Variants in PRKN observed in about 807,000 individuals in gnomAD.
PRKN encodes parkin RBR E3 ubiquitin protein ligase, also known as E3 ubiquitin-protein ligase parkin.
Under a neutral mutation model 59.5 loss-of-function variants are expected in PRKN, and 56 were observed. The ratio of observed to expected loss-of-function variants is 0.94; its 90% CI spans 0.76 to 1.18. The LOEUF (loss-of-function observed/expected upper bound fraction) is 1.18, where lower values mean the gene tolerates loss of function less well. PRKN is among the 50% of genes most tolerant of loss of function. The pLI is 0.00. For missense variants in PRKN, 657 were observed against 596.4 expected, an observed-to-expected ratio of 1.10 and a Z score of -1.06; for synonymous variants, 250 against 222.1, an observed-to-expected ratio of 1.13 and a Z score of -1.12.
intron 2 of PRKN, among the ~76,000 whole-genome samples, chr6:162,335,015 TTTTG>T (rs1783770694): frequency 1.3e-5 from 2 of 152,038 alleles, no homozygotes; most frequent in African/African-American, 2.4e-5. Flanking sequence ...TTATGGATGA[TTTTG>T]TTTTTGTTTT....
rs149792393 is a variant in PRKN, at chr6:161,593,423, A to C, written c.872-24007T>G. Among the ~76,000 whole-genome samples the C allele has an allele frequency of 1.8e-4, 28 of 152,282 alleles. No individual in the cohort carries two copies. Among genetic ancestry groups the C allele is most frequent in the African/African-American group, 1.4e-4 (6 of 41,566 alleles). ...GCTGGTTTCAAGCTAATATTGGCCA[A>C]TCCCCAACCCTGAACTCTGGAATAG... is the stretch of plus-strand genomic sequence containing the variant. On this transcript the variant is annotated intron_variant, in intron 7 of 11. Coordinates refer to ENST00000366898, the MANE Select transcript of PRKN (RefSeq NM_004562.3). The surrounding 1 kb of genome is among the most constrained non-coding windows in gnomAD (Gnocchi z 4.8).
chr6:162,105,344 A>T (rs1583039119), intron 4 of PRKN, among the ~76,000 whole-genome samples: 1 of 152,204 alleles, frequency 6.6e-6, no homozygotes, highest in Non-Finnish European at 1.5e-5. Context: ...TGGAACTAAC[A>T]AATAATGCCT....
intron 5 of PRKN, among the ~76,000 whole-genome samples, chr6:162,052,398 A>G (rs1777680730): frequency 6.6e-6 from 1 of 151,954 alleles, no homozygotes; most frequent in Admixed American, 6.6e-5. Context: ...CTTATACTCT[A>G]TCCTTGATGA....
chr6:161,843,879 C>T (rs1251387373), intron 6 of PRKN, among the ~76,000 whole-genome samples: 4 of 152,082 alleles, frequency 2.6e-5, no homozygotes, highest in Non-Finnish European at 5.9e-5. Flanking sequence ...CAGTTTGCAT[C>T]GAGGGTGAAT....
intron 9 of PRKN, among the ~76,000 whole-genome samples, chr6:161,439,424 A>AAATGCAAATAAGTACG (rs1789084684): frequency 1.3e-5 from 2 of 152,362 alleles, no homozygotes; most frequent in South Asian, 4.1e-4. Context: ...GGAGATGTAG[A>AAATGCAAATAAGTACG]AATGCAAATA....
In PRKN at chr6:161,706,018, A is replaced by G. The variant is rs140379756; in HGVS notation, c.871+79754T>C. Among the ~76,000 whole-genome samples, 20 of 151,900 alleles carry G rather than the reference A, an allele frequency of 1.3e-4. No individual in the cohort carries two copies. The East Asian group carries it at 3.7e-3, about 28-fold the overall frequency. ...AATCAGTCCTTCTAGCCTTGCTTCC[A>G]GTAGCCCCACTCTTTCCCCTGCATA... is the stretch of plus-strand genomic sequence containing the variant. On this transcript the variant is annotated intron_variant, in intron 7 of 11. Transcript: ENST00000366898.
intron 7 of PRKN, among the ~76,000 whole-genome samples, chr6:161,764,263 C>A (rs1021720367): frequency 6.6e-6 from 1 of 152,212 alleles, no homozygotes; most frequent in Admixed American, 6.5e-5. Context: ...GAAACCCCCA[C>A]TGAATTGCAA....
intron 9 of PRKN, among the ~76,000 whole-genome samples, chr6:161,432,317 T>C (rs1562444789): frequency 6.6e-6 from 1 of 152,094 alleles, no homozygotes; most frequent in Non-Finnish European, 1.5e-5. Context: ...GGAACACATG[T>C]TAGCATATTT....
intron 3 of PRKN, among the ~76,000 whole-genome samples, chr6:162,227,275 T>C (rs530328105): frequency 1.3e-5 from 2 of 152,188 alleles, no homozygotes; most frequent in African/African-American, 4.8e-5. Flanking sequence ...TTTTTAGCTA[T>C]GCAACACTTT....
At chr6:162,518,676 AAAT>A (rs1562350830) in intron 1 of PRKN, among the ~76,000 whole-genome samples, 1 of 152,182 alleles carries the variant, frequency 6.6e-6, no homozygotes, top group Non-Finnish European at 1.5e-5. Context: ...CAGCAAATTT[AAAT>A]AATGAGAAGC....
At chr6:162,207,734 C>G (rs1349211083) in intron 3 of PRKN, among the ~76,000 whole-genome samples, 1 of 152,176 alleles carries the variant, frequency 6.6e-6, no homozygotes, top group Non-Finnish European at 1.5e-5. Context: ...TGTACCTGTC[C>G]AAACTTTTCT....
chr6:161,491,027 T>G (rs916623760), intron 9 of PRKN, among the ~76,000 whole-genome samples: 1 of 152,204 alleles, frequency 6.6e-6, no homozygotes, highest in Non-Finnish European at 1.5e-5. Flanking sequence ...CTATCCAGCC[T>G]GTGAAACCAT....
intron 10 of PRKN, among the ~76,000 whole-genome samples, chr6:161,368,539 G>A (rs1362685400): frequency 1.3e-5 from 2 of 151,076 alleles, no homozygotes; most frequent in Non-Finnish European, 2.9e-5. Context: ...TAGGCGACAG[G>A]GCAAGAATCT....
intron 2 of PRKN, among the ~76,000 whole-genome samples, chr6:162,330,168 A>G (rs944442387): frequency 1.3e-5 from 2 of 152,154 alleles, no homozygotes; most frequent in African/African-American, 4.8e-5. Context: ...GTCTCTTCTC[A>G]TATTTCCAGT....
intron 2 of PRKN, among the ~76,000 whole-genome samples, chr6:162,392,632 T>C (rs7738188): frequency 0.47 from 71,343 of 151,978 alleles, 18,306 homozygotes; most frequent in East Asian, 0.71. Context: ...GCATATAGAT[T>C]GAGGCCAACA....
intron 9 of PRKN, among the ~76,000 whole-genome samples, chr6:161,424,374 A>G (rs759282788): frequency 6.7e-6 from 1 of 150,306 alleles, no homozygotes. Context: ...TTTTGATTTG[A>G]GCAAACAGCA....
chr6:162,264,440 T>C (rs1213282764), intron 2 of PRKN, among the ~76,000 whole-genome samples: 4 of 152,090 alleles, frequency 2.6e-5, no homozygotes, highest in Admixed American at 2.0e-4. Flanking sequence ...CAAGCTCTTC[T>C]GTTGCCCTCA....
At chr6:162,256,571 G>A (rs1183982392) in intron 3 of PRKN, among the ~76,000 whole-genome samples, 4 of 152,170 alleles carry the variant, frequency 2.6e-5, no homozygotes, top group Admixed American at 6.5e-5. Context: ...CTCCCCAGCT[G>A]TAAATACCCT....
At chr6:161,871,628 C>A (rs1794345419) in intron 6 of PRKN, among the ~76,000 whole-genome samples, 1 of 152,198 alleles carries the variant, frequency 6.6e-6, no homozygotes, top group Admixed American at 6.5e-5. Flanking sequence ...CTCTTCCTTG[C>A]AGTTGGACAG....
Sources: allele counts gnomAD v4.1 joint callset (sites outside exome capture counted in the v4.1 genomes callset), GRCh38; gene constraint gnomAD v4.1.1; non-coding constraint Gnocchi (gnomAD v3.1); transcripts MANE v1.5; gene names NCBI Gene and HGNC (gene_info 2026-07-23, HGNC 2026-07-21).